Variants in CHD1 observed in about 807,000 individuals in gnomAD.
CHD1 encodes the protein chromodomain helicase DNA binding protein 1.
A neutral mutation model predicts 224.2 loss-of-function variants in CHD1; 36 were observed. The observed-to-expected ratio is 0.16, with a 90% CI of 0.12 to 0.21. The LOEUF (loss-of-function observed/expected upper bound fraction) is 0.21. Ranked by LOEUF, CHD1 falls within the 10% of genes least tolerant of loss-of-function variation. CHD1 has a pLI of 1.00. For synonymous variants in CHD1, 668 were observed against 658.3 expected (o/e 1.01, Z -0.23); for missense variants, 1,378 against 1,994.8 (o/e 0.69, Z 5.89).
intron 2 of CHD1, among the ~76,000 whole-genome samples, chr5:98,912,340 A>T (rs182999546): frequency 2.4e-4 from 37 of 152,302 alleles, no homozygotes; most frequent in South Asian, 1.2e-3. Flanking sequence ...AAAACTTTTT[A>T]AAAAAATCCG....
intron 35 of CHD1, among the ~76,000 whole-genome samples, chr5:98,857,563 C>G (rs1748133393): frequency 6.6e-6 from 1 of 151,962 alleles, no homozygotes; most frequent in Non-Finnish European, 1.5e-5. Context: ...TACTATAAAT[C>G]TCAGTTTTCA....
chr5:98,879,503 G>A, intron 23 of CHD1, 49 bp downstream of exon 23: 3 of 1,522,428 alleles, frequency 2.0e-6, no homozygotes, highest in Non-Finnish European at 2.6e-6. Flanking sequence ...AATCAGCCCA[G>A]GTTGAATACT....
In CHD1 at chr5:98,876,520, A is replaced by G. The variant is rs1193449839; in HGVS notation, c.3276T>C (p.Ser1092=). 6.2e-7 allele frequency: 1 copy of G among 1,613,838 alleles called. No individual in the cohort carries two copies. Among genetic ancestry groups the G allele is most frequent in the African/African-American group, 1.3e-5 (1 of 74,916 alleles). Residue 1092 remains serine, a synonymous_variant, in exon 24 of 36, where the codon AGT becomes AGC. Transcript: ENST00000614616. ...FNGSEGRRSR[S]RRYSGSDSDS... ...CACTATCAGATCCAGAGTATCTCCT[A>G]CTTCTACTGCGCCTCCCTTCACTTC...
At position 98,903,919 on chromosome 5, in the gene CHD1, A is replaced by G; in HGVS notation, c.256-11T>C. ...ACTAGATTTCCAAAACTATAATAGA[A>G]ATATAAACCAGTGAATGAAGAAGTA... On this transcript the variant is annotated splice_polypyrimidine_tract_variant and intron_variant, in intron 3 of 35. Transcript: ENST00000614616. 1 of 1,515,508 alleles carries G rather than the reference A, an allele frequency of 6.6e-7. No homozygotes were observed. Among genetic ancestry groups the G allele is most frequent in the Non-Finnish European group, 9.0e-7 (1 of 1,105,268 alleles). 93.9% of individuals were successfully genotyped at this position (1,515,508 alleles called of 1,614,324 possible). A position where few individuals can be genotyped will look rare whatever the true frequency, so the allele number is the denominator to read the frequency against.
chr5:98,913,705 T>TA (rs1446362378), intron 2 of CHD1, among the ~76,000 whole-genome samples: 2 of 152,098 alleles, frequency 1.3e-5, no homozygotes, highest in East Asian at 1.9e-4. Flanking sequence ...AATTATTTAA[T>TA]AAAAAAAGGA....
In CHD1 at chr5:98,882,045, C is replaced by G. The variant is rs1750229327; in HGVS notation, c.2797G>C (p.Asp933His). 6.2e-7 allele frequency: 1 copy of G among 1,612,840 alleles called. No individual in the cohort carries two copies. Among genetic ancestry groups the G allele is most frequent in the African/African-American group, 1.3e-5 (1 of 74,866 alleles). Residue 933 changes from aspartate (D) to histidine (H), a missense_variant, in exon 20 of 36, where the codon GAT becomes CAT. Asp to His is a moderately conservative substitution (Grantham distance 81, BLOSUM62 -1). Transcript: ENST00000614616. ...LERAKKKMVL[D>H]HLVIQRMDTT... is the part of the protein sequence containing the mutation. ...TCCATTCTTTGAATTACAAGATGAT[C>G]TAAAACCATCTTCTTTTTCGCCCTT... is the stretch of plus-strand genomic sequence containing the variant.
At chr5:98,883,869 T>A (rs1357196552) in intron 18 of CHD1, 36 of 121,534 alleles carry the variant, frequency 3.0e-4, no homozygotes, top group South Asian at 5.4e-4. Flanking sequence ...ATATTTTTTT[T>A]TTTTTTTTTT....
chr5:98,926,692 T>G (rs1753478618), intron 1 of CHD1, among the ~76,000 whole-genome samples, 158 bp from the exon 2 acceptor site: 1 of 152,102 alleles, frequency 6.6e-6, no homozygotes, highest in Admixed American at 6.5e-5. Context: ...TCTAGACTTG[T>G]AATAACTACA....
chr5:98,928,999 G>A lies in CHD1; in HGVS notation c.-609C>T, dbSNP rs1489673053. On this transcript the variant is annotated 5_prime_UTR_variant, in exon 1 of 36. Coordinates refer to ENST00000614616, the MANE Select transcript of CHD1 (RefSeq NM_001270.4). ...TCTGCTCACTCCCCTTCCCGACAGA[G>A]CGCGAGGCGGGCGGGCGCGCGCACG... 3 of 152,280 alleles carry A rather than the reference G, an allele frequency of 2.0e-5. No individual in the cohort carries two copies. The highest frequency in any genetic ancestry group is 4.4e-5 in the Non-Finnish European group (3 of 68,074). 9.4% of individuals were successfully genotyped at this position (152,280 alleles called of 1,614,324 possible). A position where few individuals can be genotyped will look rare whatever the true frequency, so the allele number is the denominator to read the frequency against.
intron 2 of CHD1, 58 bp downstream of exon 2, chr5:98,926,272 GAAAA>G: frequency 1.9e-6 from 2 of 1,037,926 alleles, no homozygotes; most frequent in Non-Finnish European, 2.8e-6. Context: ...TAACAATAAA[GAAAA>G]AAGTCAAGTT....
intron 30 of CHD1, chr5:98,869,457 C>A (rs1200316086): frequency 2.0e-5 from 6 of 302,534 alleles, no homozygotes; most frequent in Non-Finnish European, 3.4e-5. Flanking sequence ...CATTCAAGTT[C>A]ATAATACAAT....
At chr5:98,903,531 G>A (rs1751859877) in intron 4 of CHD1, among the ~76,000 whole-genome samples, 1 of 151,586 alleles carries the variant, frequency 6.6e-6, no homozygotes, top group African/African-American at 2.4e-5. Flanking sequence ...TTCCCACAGA[G>A]TTCACATTTA....
At chr5:98,911,904 A>G (rs1752447617) in intron 2 of CHD1, among the ~76,000 whole-genome samples, 1 of 152,234 alleles carries the variant, frequency 6.6e-6, no homozygotes, top group Admixed American at 6.5e-5. Context: ...CTGTACGGAA[A>G]GATGATTGAC....
chr5:98,902,845 T>C (rs1751808482), intron 5 of CHD1, 55 bp downstream of exon 5: 4 of 1,107,694 alleles, frequency 3.6e-6, no homozygotes, highest in Middle Eastern at 2.7e-4. Context: ...GAAAGAAATA[T>C]GAAATAATCA....
chr5:98,882,790 TAAGC>T (rs1430340331), intron 19 of CHD1, among the ~76,000 whole-genome samples: 2 of 152,154 alleles, frequency 1.3e-5, no homozygotes, highest in Non-Finnish European at 1.5e-5. Context: ...CAAGTTAAAA[TAAGC>T]AAGTAAAGAC....
intron 21 of CHD1, 48 bp downstream of exon 21, chr5:98,881,231 G>A (rs896893779): frequency 4.9e-6 from 6 of 1,222,668 alleles, no homozygotes; most frequent in Non-Finnish European, 6.8e-6. Flanking sequence ...TCAAATATAT[G>A]ACACATATTC....
chr5:98,904,818 G>C, intron 3 of CHD1, 79 bp downstream of exon 3: 2 of 1,223,178 alleles, frequency 1.6e-6, no homozygotes, highest in East Asian at 2.3e-5. Flanking sequence ...GCTAGATTAA[G>C]AATGGTATAA....
At chr5:98,882,208 T>C (rs1750241003) in intron 19 of CHD1, 85 bp from the exon 20 acceptor site, 4 of 1,110,780 alleles carry the variant, frequency 3.6e-6, no homozygotes, top group East Asian at 2.4e-5. Flanking sequence ...GGCACACAAA[T>C]TGAAGCTCAT....
chr5:98,879,861 A>C, intron 22 of CHD1, 133 bp from the exon 23 acceptor site: 1 of 579,466 alleles, frequency 1.7e-6, no homozygotes. Context: ...TATAACTTCT[A>C]AACAACCTAG....
Sources: gnomAD v4.1 joint callset for allele counts (sites outside exome capture counted in the v4.1 genomes callset) on GRCh38, gnomAD v4.1.1 for gene constraint, MANE v1.5 for transcripts, NCBI Gene and HGNC (gene_info 2026-07-23, HGNC 2026-07-21) for gene names.